ATXN1: variants seen among roughly 807,000 people sequenced by gnomAD.
The protein encoded by ATXN1 is ataxin-1.
Under a neutral mutation model 56.4 loss-of-function variants are expected in ATXN1, and 8 were observed. The observed-to-expected ratio is 0.14, with a 90% CI of 0.08 to 0.26. The LOEUF is 0.26. ATXN1 is among the 10% of genes least tolerant of loss of function. The probability of loss-of-function intolerance (pLI) is 1.00; values close to 1 mark genes in which losing one functional copy is unlikely to be tolerated. For missense variants in ATXN1, 987 were observed against 1,106.5 expected (o/e 0.89, Z 1.53); for synonymous variants, 514 against 494.6 (o/e 1.04, Z -0.52).
At chr6:16,573,923 T>C (rs991457625) in intron 4 of ATXN1, among the ~76,000 whole-genome samples, 2 of 152,262 alleles carry the variant, frequency 1.3e-5, no homozygotes, top group African/African-American at 4.8e-5. Context: ...ATTCCTCTTC[T>C]GAACCTGACA....
intron 2 of ATXN1, among the ~76,000 whole-genome samples, chr6:16,661,799 A>G (rs777809974): frequency 6.6e-6 from 1 of 152,210 alleles, no homozygotes; most frequent in East Asian, 1.9e-4. Context: ...GCCTGCTAGC[A>G]TCTATGTGAG....
intron 3 of ATXN1, among the ~76,000 whole-genome samples, chr6:16,642,571 T>C (rs570439409): frequency 6.6e-6 from 1 of 152,350 alleles, no homozygotes; most frequent in South Asian, 2.1e-4. Context: ...AGTTCTACTA[T>C]GGGTAAAATG....
intron 3 of ATXN1, among the ~76,000 whole-genome samples, chr6:16,650,046 C>T (rs2113829397): frequency 6.6e-6 from 1 of 152,124 alleles, no homozygotes; most frequent in East Asian, 1.9e-4. Context: ...AATCCTCTTC[C>T]CTCAGCCTCT....
At chr6:16,420,395 G>A (rs992561442) in intron 6 of ATXN1, among the ~76,000 whole-genome samples, 1 of 152,112 alleles carries the variant, frequency 6.6e-6, no homozygotes. Flanking sequence ...AATGGAGGGG[G>A]GAGCCTAACT....
At chr6:16,526,695 G>A (rs1330924678) in intron 4 of ATXN1, among the ~76,000 whole-genome samples, 1 of 151,266 alleles carries the variant, frequency 6.6e-6, no homozygotes, top group African/African-American at 2.4e-5. Context: ...AACCCGGGAG[G>A]TGGAAGCTGC....
In ATXN1 at chr6:16,327,599, A is replaced by T. The variant is rs368137408; in HGVS notation, c.712T>A (p.Ser238Thr). ...TGGTTCTGCTGGGCTGGTGGGGGGG[A>T]CCCCGGGGTGATGAGCCCCGGAGCC... The part of the protein sequence containing the change: ...SRAPGLITPG[S>T]PPPAQQNQYV... The change falls in exon 7 of 8, where the codon TCC becomes ACC. Residue 238 changes from serine to threonine, a missense_variant. By Grantham distance (58) the Ser-to-Thr change is moderately conservative. This residue lies in a region of ATXN1 where 723 missense variants were observed against 791.7 expected (regional missense o/e 0.91). Transcript: ENST00000436367. 1.0e-5 allele frequency: 16 copies of T among 1,582,020 alleles called. No homozygotes were observed. The highest frequency in any genetic ancestry group is 1.3e-5 in the Non-Finnish European group (15 of 1,167,722).
chr6:16,427,508 T>G (rs774486088), intron 6 of ATXN1, among the ~76,000 whole-genome samples: 1 of 152,208 alleles, frequency 6.6e-6, no homozygotes, highest in Non-Finnish European at 1.5e-5. Context: ...CTCACATTCA[T>G]AAACACACAC....
intron 3 of ATXN1, among the ~76,000 whole-genome samples, chr6:16,649,821 C>CT (rs527336019): frequency 1.3e-5 from 2 of 152,116 alleles, no homozygotes; most frequent in Non-Finnish European, 2.9e-5. Context: ...CAGGAATGGG[C>CT]TTAACACTTG....
intron 2 of ATXN1, among the ~76,000 whole-genome samples, chr6:16,704,012 T>A (rs190134533): frequency 1.3e-3 from 192 of 152,200 alleles, no homozygotes; most frequent in African/African-American, 4.4e-3. Flanking sequence ...AGAGCGAGAT[T>A]CCATCTCAAA....
At chr6:16,509,543 GC>G (rs1483587933) in intron 5 of ATXN1, among the ~76,000 whole-genome samples, 1 of 152,128 alleles carries the variant, frequency 6.6e-6, no homozygotes, top group Non-Finnish European at 1.5e-5. Context: ...AACTCTGACA[GC>G]CCCTGGACAC....
At chr6:16,608,167 C>T (rs1581880859) in intron 3 of ATXN1, among the ~76,000 whole-genome samples, 1 of 152,204 alleles carries the variant, frequency 6.6e-6, no homozygotes, top group Non-Finnish European at 1.5e-5. Context: ...TGTTCTAGAA[C>T]CATCTGCGAC....
intron 6 of ATXN1, among the ~76,000 whole-genome samples, chr6:16,429,426 T>G (rs1210914128): frequency 1.1e-4 from 3 of 26,332 alleles, no homozygotes; most frequent in Non-Finnish European, 2.4e-4. Flanking sequence ...TTTTTGTTCG[T>G]TTTTTTTTTT....
intron 6 of ATXN1, among the ~76,000 whole-genome samples, chr6:16,347,572 T>C (rs1761445151): frequency 6.6e-6 from 1 of 152,162 alleles, no homozygotes; most frequent in African/African-American, 2.4e-5. Flanking sequence ...GCACCCTGTG[T>C]CTAGCTCAGG....
intron 6 of ATXN1, among the ~76,000 whole-genome samples, chr6:16,397,219 G>A (rs748485447): frequency 3.4e-4 from 51 of 152,186 alleles, no homozygotes; most frequent in Middle Eastern, 6.8e-3. Context: ...CAAATCAAAC[G>A]TCCTGTTATT....
chr6:16,340,476 C>T (rs539709834), intron 6 of ATXN1, among the ~76,000 whole-genome samples: 8 of 152,190 alleles, frequency 5.3e-5, no homozygotes, highest in Non-Finnish European at 1.0e-4. Context: ...CATGTCTGGA[C>T]CCCTCTAGAC....
intron 6 of ATXN1, among the ~76,000 whole-genome samples, chr6:16,455,219 T>G (rs1473051466): frequency 6.6e-6 from 1 of 152,158 alleles, no homozygotes; most frequent in Non-Finnish European, 1.5e-5. Flanking sequence ...GTAGAAAACT[T>G]CACTATTAGA....
intron 6 of ATXN1, among the ~76,000 whole-genome samples, chr6:16,391,453 T>C (rs1758354254): frequency 6.6e-6 from 1 of 152,178 alleles, no homozygotes; most frequent in Non-Finnish European, 1.5e-5. Flanking sequence ...GCACAGGTAA[T>C]GGTATTTTTT....
intron 3 of ATXN1, among the ~76,000 whole-genome samples, chr6:16,630,177 G>A (rs969862130): frequency 1.3e-5 from 2 of 152,112 alleles, no homozygotes; most frequent in Admixed American, 1.3e-4. Flanking sequence ...ATTCCCTTGG[G>A]TGCCCTCTTA....
At chr6:16,446,745 T>C (rs1220875117) in intron 6 of ATXN1, among the ~76,000 whole-genome samples, 1 of 152,216 alleles carries the variant, frequency 6.6e-6, no homozygotes, top group Non-Finnish European at 1.5e-5. Context: ...ATATATCCTG[T>C]TGGTGTCATC....
Sources: gnomAD v4.1 joint callset for allele counts (sites outside exome capture counted in the v4.1 genomes callset) on GRCh38, gnomAD v4.1.1 for gene constraint, gnomAD v4.1.1 regional missense constraint, MANE v1.5 for transcripts, NCBI Gene and HGNC (gene_info 2026-07-23, HGNC 2026-07-21) for gene names.